Variants in TGM6 observed in about 807,000 individuals in gnomAD.
TGM6 encodes protein-glutamine gamma-glutamyltransferase 6.
Under a neutral mutation model 77.5 loss-of-function variants are expected in TGM6, and 74 were observed. That is an observed-to-expected ratio of 0.96 (90% CI 0.79 to 1.16). The LOEUF is 1.16. TGM6 is among the 50% of genes most tolerant of loss of function. The pLI is 0.00. For synonymous variants in TGM6, 383 were observed against 378.9 expected, an observed-to-expected ratio of 1.01 and a Z score of -0.12; for missense variants, 968 against 940.2, an observed-to-expected ratio of 1.03 and a Z score of -0.39.
intron 10 of TGM6, among the ~76,000 whole-genome samples, chr20:2,425,169 C>G (rs1045794583): frequency 6.6e-6 from 1 of 151,954 alleles, no homozygotes; most frequent in Non-Finnish European, 1.5e-5. Flanking sequence ...AGCAATACCC[C>G]ATCTCTACAA....
In TGM6 at chr20:2,398,149, C is replaced by T. The variant is rs146457186; in HGVS notation, c.672+103C>T. On this transcript the variant is annotated intron_variant, in intron 5 of 12. Transcript: ENST00000202625. ...CTTCCCATCACCCCTTGTTTTAATTCGCTGTTGTTGCAGAACCAACCACCC... is the reference window on the plus strand; with the variant it reads ...CTTCCCATCACCCCTTGTTTTAATTTGCTGTTGTTGCAGAACCAACCACCC... The T allele has an allele frequency of 1.7e-4, 271 of 1,592,098 alleles. No homozygotes were observed. In the African/African-American group the frequency reaches 2.8e-3, roughly 17 times the overall value.
At chr20:2,393,321 T>G (rs1012142630) in intron 1 of TGM6, among the ~76,000 whole-genome samples, 3 of 151,498 alleles carry the variant, frequency 2.0e-5, no homozygotes, top group African/African-American at 4.8e-5. Flanking sequence ...AAAACTAGGG[T>G]TTTTTTTGCA....
In TGM6 at chr20:2,395,416, T is replaced by A. The variant is rs138009191; in HGVS notation, c.404T>A (p.Leu135His). 5.0e-5 allele frequency: 81 copies of A among 1,614,114 alleles called. No homozygotes were observed. In the African/African-American group the frequency reaches 9.6e-4, roughly 19 times the overall value. ...CGGAGGCTGGGCGAGTTTGTTCTCC[T>A]TTTCAACCCATGGTGTGCAGGTAGG... is the stretch of plus-strand genomic sequence containing the variant. ...SNRRLGEFVL[L>H]FNPWCAEDDV... The change falls in exon 3 of 13, where the codon CTT becomes CAT. Residue 135 changes from leucine to histidine, a missense_variant. Leu to His is a moderately conservative substitution (Grantham distance 99, BLOSUM62 -3). Coordinates refer to ENST00000202625, the MANE Select transcript of TGM6 (RefSeq NM_198994.3).
intron 10 of TGM6, among the ~76,000 whole-genome samples, chr20:2,424,763 C>T (rs753287096): frequency 6.6e-6 from 1 of 152,194 alleles, no homozygotes; most frequent in Admixed American, 6.5e-5. Flanking sequence ...GTGCCTTCCT[C>T]ACTAAGCTTA....
intron 10 of TGM6, among the ~76,000 whole-genome samples, chr20:2,419,897 G>T (rs1227057426): frequency 6.6e-6 from 1 of 152,172 alleles, no homozygotes; most frequent in Non-Finnish European, 1.5e-5. Flanking sequence ...GATGCAAAAA[G>T]AAATCACTTT....
chr20:2,419,201 T>C (rs1005149188), intron 10 of TGM6, among the ~76,000 whole-genome samples: 1 of 152,240 alleles, frequency 6.6e-6, no homozygotes, highest in Non-Finnish European at 1.5e-5. Flanking sequence ...CTTTTTCATC[T>C]GTCTCTCTAT....
At chr20:2,383,539 A>G (rs2084570241) in intron 1 of TGM6, among the ~76,000 whole-genome samples, 3 of 152,248 alleles carry the variant, frequency 2.0e-5, no homozygotes, top group African/African-American at 4.8e-5. Flanking sequence ...CAATGCCAAC[A>G]AGATGGCTGT....
rs986690561 is a variant in TGM6 at position 2,403,676 on chromosome 20, G to A, written c.1189G>A (p.Ala397Thr). Reference protein sequence around the residue: ...DGPFVFAEVNADYITWLWHED... With the variant: ...DGPFVFAEVNTDYITWLWHED... The stretch of plus-strand genomic sequence containing the variant: ...CCCCTTCGTGTTTGCGGAGGTCAAC[G>A]CCGACTACATCACCTGGCTGTGGCA... The change falls in exon 9 of 13, where the codon GCC becomes ACC. Residue 397 changes from alanine to threonine, a missense_variant. By Grantham distance (58) the Ala-to-Thr change is moderately conservative. Transcript: ENST00000202625. 8.1e-6 allele frequency: 13 copies of A among 1,614,060 alleles called. No individual in the cohort carries two copies. Among genetic ancestry groups the A allele is most frequent in the South Asian group, 1.1e-5 (1 of 91,092 alleles).
Position 2,395,448 on chromosome 20 carries a change from C to T in TGM6, c.424+12C>T. On this transcript the variant is annotated intron_variant, in intron 3 of 12. Transcript: ENST00000202625. ...CCCATGGTGTGCAGGTAGGAGTGGC[C>T]AAGTCCAATGCAGAGGTTTTTCCAA... The T allele has an allele frequency of 6.2e-7, 1 of 1,614,196 alleles. No homozygotes were observed. The highest frequency in any genetic ancestry group is 1.1e-5 in the South Asian group (1 of 91,078).
rs761366287 is a variant in TGM6, at chr20:2,398,076, A to T, written c.672+30A>T. 3.1e-6 allele frequency: 5 copies of T among 1,613,880 alleles called. No individual in the cohort carries two copies. In the Admixed American group the frequency reaches 5.0e-5, roughly 16 times the overall value. On this transcript the variant is annotated intron_variant, in intron 5 of 12. Coordinates refer to ENST00000202625, the MANE Select transcript of TGM6 (RefSeq NM_198994.3). Reference sequence around the variant, plus strand: ...GAAGCCCCTCCATCCCTGCACATGTACTTCCTCAAGGATCCCCCAGCCAAC... The same window carrying T: ...GAAGCCCCTCCATCCCTGCACATGTTCTTCCTCAAGGATCCCCCAGCCAAC...
intron 10 of TGM6, 125 bp from the exon 11 acceptor site, chr20:2,430,321 C>T: frequency 1.5e-6 from 2 of 1,293,314 alleles, no homozygotes; most frequent in Non-Finnish European, 2.2e-6. Flanking sequence ...AAAATAAAGC[C>T]TGTCTCAGAA....
At chr20:2,394,399 T>A in intron 1 of TGM6, 53 bp from the exon 2 acceptor site, 1 of 1,596,890 alleles carries the variant, frequency 6.3e-7, no homozygotes, top group Non-Finnish European at 8.6e-7. Context: ...AAGCTCAGAG[T>A]GGGTGAGAAA....
chr20:2,412,790 A>G (rs761641485), intron 9 of TGM6, among the ~76,000 whole-genome samples: 2 of 152,234 alleles, frequency 1.3e-5, no homozygotes, highest in Non-Finnish European at 2.9e-5. Context: ...AATAGCATCA[A>G]AAAGAATAAA....
intron 9 of TGM6, among the ~76,000 whole-genome samples, chr20:2,405,732 A>T (rs972798777): frequency 2.0e-5 from 3 of 152,006 alleles, no homozygotes; most frequent in East Asian, 3.9e-4. Flanking sequence ...ATGCATGGTG[A>T]TTTTTGTCCC....
In TGM6 at chr20:2,417,242, A is replaced by G; in HGVS notation, c.1347A>G (p.Lys449=). The change falls in exon 10 of 13, where the codon AAA becomes AAG. Residue 449 remains lysine, a synonymous_variant. Coordinates refer to ENST00000202625, the MANE Select transcript of TGM6 (RefSeq NM_198994.3). ...TGTGATGCCCTGCAGGGTCCCGGAA[A>G]GAGAGGCAGGTGTACAGCAAGGCGG... ...DLYKYPEGSR[K]ERQVYSKAVN... 3 of 1,604,000 alleles carry G rather than the reference A, an allele frequency of 1.9e-6. No homozygotes were observed. The highest frequency in any genetic ancestry group is 2.6e-6 in the Non-Finnish European group (3 of 1,175,428).
intron 9 of TGM6, among the ~76,000 whole-genome samples, chr20:2,411,514 A>G (rs895984593): frequency 6.6e-6 from 1 of 152,146 alleles, no homozygotes; most frequent in African/African-American, 2.4e-5. Context: ...CTGATAAGTC[A>G]CCTATAAAAA....
intron 9 of TGM6, among the ~76,000 whole-genome samples, chr20:2,407,255 A>T (rs548618291): frequency 4.2e-4 from 64 of 152,392 alleles, no homozygotes; most frequent in African/African-American, 1.5e-3. Context: ...TAATAGTAAC[A>T]GTATCTAGAA....
In TGM6 at chr20:2,402,270, A is replaced by C. The variant is rs141575758; in HGVS notation, c.990-1127A>C. Among the ~76,000 whole-genome samples the C allele has an allele frequency of 9.9e-4, 150 of 152,120 alleles. 2 individuals carry two copies. In the East Asian group the frequency reaches 0.027, roughly 28 times the overall value. ...ATAAATAAATAAATAAAAATTAAAA[A>C]ATAAAGATTAGGAGAGACAGTGAAG... On this transcript the variant is annotated intron_variant, in intron 7 of 12. Transcript: ENST00000202625.
intron 6 of TGM6, 138 bp from the exon 7 acceptor site, chr20:2,400,168 C>G (rs1229057002): frequency 8.0e-7 from 1 of 1,248,572 alleles, no homozygotes; most frequent in Non-Finnish European, 1.1e-6. Context: ...GCCCCACAAC[C>G]TGATGAACTA....
Sources: allele counts gnomAD v4.1 joint callset (sites outside exome capture counted in the v4.1 genomes callset), GRCh38; gene constraint gnomAD v4.1.1; transcripts MANE v1.5; gene names NCBI Gene and HGNC (gene_info 2026-07-23, HGNC 2026-07-21).